The following ANKRD50 variants were observed in gnomAD, a reference collection of about 807,000 sequenced individuals.
ANKRD50 encodes ankyrin repeat domain 50.
A neutral mutation model predicts 112.0 loss-of-function variants in ANKRD50; 40 were observed. That is an observed-to-expected ratio of 0.36 (90% CI 0.28 to 0.46). The LOEUF is 0.46. ANKRD50 is among the 20% of genes least tolerant of loss of function. The probability of loss-of-function intolerance (pLI) is 1.00; values close to 1 mark genes in which losing one functional copy is unlikely to be tolerated. For missense variants in ANKRD50, 1,487 were observed against 1,701.7 expected, an observed-to-expected ratio of 0.87 and a Z score of 2.22; for synonymous variants, 613 against 619.1, an observed-to-expected ratio of 0.99 and a Z score of 0.15.
chr4:124,667,883 T>C (rs371092690), intron 4 of ANKRD50, among the ~76,000 whole-genome samples: 20 of 152,090 alleles, frequency 1.3e-4, no homozygotes, highest in South Asian at 8.3e-4. Context: ...TAGATTCACA[T>C]TGAAGGCTGT....
At chr4:124,706,602 A>C (rs1371801675) in intron 2 of ANKRD50, among the ~76,000 whole-genome samples, 1 of 152,146 alleles carries the variant, frequency 6.6e-6, no homozygotes, top group Non-Finnish European at 1.5e-5. Flanking sequence ...CAGCTTTGTG[A>C]ATCTGTGAAT....
intron 2 of ANKRD50, among the ~76,000 whole-genome samples, chr4:124,704,495 A>T (rs1343995580): frequency 6.6e-6 from 1 of 152,234 alleles, no homozygotes; most frequent in Non-Finnish European, 1.5e-5. Context: ...AAGAACAGAC[A>T]GCAGGTTAAC....
At position 124,670,577 on chromosome 4, in the gene ANKRD50, C is replaced by T. The variant is rs771360394; in HGVS notation, c.2700G>A (p.Leu900=). The T allele has an allele frequency of 6.2e-7, 1 of 1,612,842 alleles. No homozygotes were observed. The highest frequency in any genetic ancestry group is 8.5e-7 in the Non-Finnish European group (1 of 1,179,670). Residue 900 remains leucine (L), a synonymous_variant, in exon 4 of 5, where the codon CTG becomes CTA. Coordinates refer to ENST00000504087, the MANE Select transcript of ANKRD50 (RefSeq NM_020337.3). ...EGHYDCVQIL[L]ENKSNIDQRG... is the part of the protein sequence containing the mutation. ...TTTGATCAATGTTGGATTTGTTTTC[C>T]AGTAATATTTGAACACAATCATAAT...
chr4:124,680,279 G>C (rs1363258812), intron 2 of ANKRD50, among the ~76,000 whole-genome samples: 2 of 152,100 alleles, frequency 1.3e-5, no homozygotes, highest in Non-Finnish European at 2.9e-5. Flanking sequence ...GCCCACAGTA[G>C]AACCTAAAGA....
intron 2 of ANKRD50, among the ~76,000 whole-genome samples, chr4:124,697,548 T>G (rs1373073920): frequency 1.3e-5 from 2 of 152,200 alleles, no homozygotes; most frequent in African/African-American, 4.8e-5. Flanking sequence ...GTGTGAGGTC[T>G]CTTTGCATGT....
chr4:124,699,538 T>C (rs1048340119), intron 2 of ANKRD50, among the ~76,000 whole-genome samples: 1 of 152,102 alleles, frequency 6.6e-6, no homozygotes, highest in Non-Finnish European at 1.5e-5. Context: ...AGTGACAGTC[T>C]CAGAAAGAAT....
intron 2 of ANKRD50, among the ~76,000 whole-genome samples, chr4:124,680,113 A>G (rs2110513431): frequency 6.6e-6 from 1 of 152,342 alleles, no homozygotes; most frequent in South Asian, 2.1e-4. Context: ...ATGCTTCCAT[A>G]ACGTCAAATA....
chr4:124,681,740 A>C (rs907752531), intron 2 of ANKRD50, among the ~76,000 whole-genome samples: 6 of 152,146 alleles, frequency 3.9e-5, no homozygotes, highest in African/African-American at 1.4e-4. Context: ...CTTACAGTGG[A>C]AATTGAAGTC....
intron 2 of ANKRD50, among the ~76,000 whole-genome samples, chr4:124,699,744 ATAAC>A (rs1240275158): frequency 6.6e-6 from 1 of 151,954 alleles, no homozygotes; most frequent in Non-Finnish European, 1.5e-5. Context: ...CTTTTCATCT[ATAAC>A]TATATAATCT....
Position 124,710,523 on chromosome 4 carries a change from T to C in ANKRD50, c.-12A>G. The C allele has an allele frequency of 6.2e-7, 1 of 1,600,648 alleles. No individual in the cohort carries two copies. Among genetic ancestry groups the C allele is most frequent in the Non-Finnish European group, 8.5e-7 (1 of 1,176,384 alleles). ...CAAGGATTAGTCATAACGGGTTTTT[T>C]ATCTTCATTTGCTAGAGTCTGGATA... On this transcript the variant is annotated 5_prime_UTR_variant, in exon 2 of 5. It adds an upstream start codon to the 5' untranslated region. Transcript: ENST00000504087.
At position 124,689,662 on chromosome 4, in the gene ANKRD50, T is replaced by C. The variant is rs144764598; in HGVS notation, c.513-10757A>G. Among the ~76,000 whole-genome samples, 192 of 152,314 alleles carry C rather than the reference T, an allele frequency of 1.3e-3. 2 individuals are homozygous for C. In the East Asian group the frequency reaches 0.028, roughly 22 times the overall value. The stretch of plus-strand genomic sequence containing the variant: ...TGGGTCTTCAGACTGCTGACTTTCA[T>C]ACTGGAATTTACACCATTAGCTCTC... On this transcript the variant is annotated intron_variant, in intron 2 of 4. Transcript: ENST00000504087.
chr4:124,678,827 C>A lies in ANKRD50; in HGVS notation c.591G>T (p.Gly197=). 5.6e-6 allele frequency: 9 copies of A among 1,613,854 alleles called. No individual in the cohort carries two copies. The highest frequency in any genetic ancestry group is 6.8e-6 in the Non-Finnish European group (8 of 1,179,820). ...LYLLVDSVDE[G]CNITEGEQTS... ...TTTGTTCACCTTCAGTAATGTTACA[C>A]CCTTCATCAACAGAATCAACAAGCA... The change falls in exon 3 of 5, where the codon GGG becomes GGT. Residue 197 remains glycine, a synonymous_variant. Coordinates refer to ENST00000504087, the MANE Select transcript of ANKRD50 (RefSeq NM_020337.3).
chr4:124,667,600 C>T (rs565435766), intron 4 of ANKRD50, 86 bp from the exon 5 acceptor site: 2 of 152,012 alleles, frequency 1.3e-5, no homozygotes, highest in East Asian at 1.9e-4. Context: ...ATACATTTAC[C>T]TCTATATATC....
intron 2 of ANKRD50, among the ~76,000 whole-genome samples, chr4:124,702,165 TTATTAA>T (rs1725407326): frequency 6.6e-6 from 1 of 152,230 alleles, no homozygotes; most frequent in South Asian, 2.1e-4. Context: ...CATAACCAAA[TTATTAA>T]AAGTTTCCAA....
intron 2 of ANKRD50, among the ~76,000 whole-genome samples, chr4:124,701,124 C>T (rs568897985): frequency 4.7e-4 from 72 of 152,232 alleles, no homozygotes; most frequent in Admixed American, 4.1e-3. Context: ...CCACCATGCT[C>T]GACTAATTTT....
In ANKRD50 at chr4:124,670,160, G is replaced by A. The variant is rs1387609099; in HGVS notation, c.3117C>T (p.Asp1039=). The change falls in exon 4 of 5, where the codon GAC becomes GAT. Residue 1039 remains aspartate, a synonymous_variant. Coordinates refer to ENST00000504087, the MANE Select transcript of ANKRD50 (RefSeq NM_020337.3). ...QLLIEHGAVV[D]HTCNQGATAL... The stretch of plus-strand genomic sequence containing the variant: ...CAGTTGCACCTTGGTTACATGTATG[G>A]TCAACTACAGCACCATGCTCAATCA... The A allele has an allele frequency of 2.5e-6, 4 of 1,612,158 alleles. No homozygotes were observed. In the African/African-American group the frequency reaches 5.4e-5, roughly 22 times the overall value.
chr4:124,690,919 G>T (rs1725121999), intron 2 of ANKRD50, among the ~76,000 whole-genome samples: 1 of 152,146 alleles, frequency 6.6e-6, no homozygotes, highest in African/African-American at 2.4e-5. Flanking sequence ...GAGATACATT[G>T]TCTGACTCAC....
intron 3 of ANKRD50, among the ~76,000 whole-genome samples, chr4:124,678,345 T>C (rs558716359): frequency 6.6e-6 from 1 of 152,076 alleles, no homozygotes; most frequent in South Asian, 2.1e-4. Context: ...ATATATTACA[T>C]AGACTGTAAT....
intron 2 of ANKRD50, among the ~76,000 whole-genome samples, chr4:124,703,474 G>T (rs1725438238): frequency 6.6e-6 from 1 of 152,048 alleles, no homozygotes; most frequent in Admixed American, 6.6e-5. Context: ...AAACATATTT[G>T]TCCTTGAAAA....
Sources: allele counts gnomAD v4.1 joint callset (sites outside exome capture counted in the v4.1 genomes callset), GRCh38; gene constraint gnomAD v4.1.1; transcripts MANE v1.5; gene names NCBI Gene and HGNC (gene_info 2026-07-23, HGNC 2026-07-21).